RPA3: variants seen among roughly 807,000 people sequenced by gnomAD.
The protein encoded by RPA3 is replication protein A 14 kDa subunit.
A neutral mutation model predicts 13.7 loss-of-function variants in RPA3; 24 were observed. That is an observed-to-expected ratio of 1.75 (90% CI 1.27 to 2.46). RPA3 has a LOEUF of 2.46. Among genes scored for constraint, RPA3 ranks in the 30% most tolerant of loss-of-function variants. RPA3 has a pLI of 0.00. For missense variants in RPA3, 183 were observed against 151.0 expected (o/e 1.21, Z -1.11); for synonymous variants, 59 against 51.2 (o/e 1.15, Z -0.65).
At chr7:7,654,260 T>G (rs1388069317) in intron 4 of RPA3, among the ~76,000 whole-genome samples, 1 of 152,088 alleles carries the variant, frequency 6.6e-6, no homozygotes, top group Non-Finnish European at 1.5e-5. Context: ...TGGAGGAGAG[T>G]AAAATTGTTT....
At chr7:7,700,290 T>G (rs1583751478) in intron 2 of RPA3, among the ~76,000 whole-genome samples, 1 of 152,202 alleles carries the variant, frequency 6.6e-6, no homozygotes, top group African/African-American at 2.4e-5. Flanking sequence ...TCCATTCATG[T>G]GTACTTCACC....
At chr7:7,697,060 C>T (rs575060215) in intron 2 of RPA3, among the ~76,000 whole-genome samples, 37 of 152,236 alleles carry the variant, frequency 2.4e-4, no homozygotes, top group Non-Finnish European at 4.3e-4. Flanking sequence ...TCAGCAGGAA[C>T]GGTCTTGTGG....
chr7:7,684,964 A>G (rs1780007348), intron 4 of RPA3, among the ~76,000 whole-genome samples: 1 of 152,164 alleles, frequency 6.6e-6, no homozygotes. Context: ...AATTTCTCCT[A>G]CTGTTTCCTT....
At chr7:7,688,631 A>G (rs540853374) in intron 2 of RPA3, among the ~76,000 whole-genome samples, 1 of 152,226 alleles carries the variant, frequency 6.6e-6, no homozygotes, top group South Asian at 2.1e-4. Flanking sequence ...TAAATCTTCT[A>G]TCATTTATTT....
intron 4 of RPA3, among the ~76,000 whole-genome samples, chr7:7,677,271 G>C (rs1199700031): frequency 6.6e-6 from 1 of 151,872 alleles, no homozygotes; most frequent in African/African-American, 2.4e-5. Context: ...CACTCTTTTA[G>C]TTATTTAAAA....
intron 1 of RPA3, among the ~76,000 whole-genome samples, chr7:7,716,063 A>G (rs1402233003): frequency 6.6e-6 from 1 of 152,070 alleles, no homozygotes; most frequent in Non-Finnish European, 1.5e-5. Context: ...TACAGTTAAA[A>G]TTTTTTTTGA....
At chr7:7,686,111 A>G (rs1041943470) in intron 3 of RPA3, 113 bp from the exon 4 acceptor site, 2 of 152,294 alleles carry the variant, frequency 1.3e-5, no homozygotes, top group Middle Eastern at 3.4e-3. Context: ...CAGTATTTTT[A>G]TGCATACTGA....
chr7:7,682,603 A>C (rs372964085), intron 4 of RPA3, among the ~76,000 whole-genome samples: 1 of 152,164 alleles, frequency 6.6e-6, no homozygotes, highest in Non-Finnish European at 1.5e-5. Flanking sequence ...ACAGTGACAA[A>C]AACTAAACAG....
intron 2 of RPA3, among the ~76,000 whole-genome samples, chr7:7,714,763 A>T (rs895050709): frequency 2.0e-5 from 3 of 152,072 alleles, no homozygotes; most frequent in African/African-American, 7.2e-5. Flanking sequence ...AACAGGTTGG[A>T]AGCTGGGAGA....
intron 5 of RPA3, among the ~76,000 whole-genome samples, chr7:7,639,346 A>G (rs1046607140): frequency 1.3e-5 from 2 of 152,166 alleles, no homozygotes; most frequent in African/African-American, 4.8e-5. Context: ...TCTGAATTTC[A>G]GATAAACAAG....
intron 2 of RPA3, among the ~76,000 whole-genome samples, chr7:7,710,061 G>C (rs140230095): frequency 1.5e-4 from 23 of 152,184 alleles, no homozygotes; most frequent in African/African-American, 5.5e-4. Context: ...ATGTTCTTCA[G>C]CAATTTGCCT....
chr7:7,657,194 T>C (rs1462757139), intron 4 of RPA3, among the ~76,000 whole-genome samples: 3 of 152,234 alleles, frequency 2.0e-5, no homozygotes, highest in Non-Finnish European at 4.4e-5. Context: ...TTAAATTCTT[T>C]CTAGAGTCTG....
intron 2 of RPA3, among the ~76,000 whole-genome samples, chr7:7,699,186 G>C (rs1780395449): frequency 6.6e-6 from 1 of 152,044 alleles, no homozygotes; most frequent in Admixed American, 6.6e-5. Flanking sequence ...GTGCTGAGTT[G>C]ACTGATTATG....
At chr7:7,696,265 C>T (rs933519299) in intron 2 of RPA3, among the ~76,000 whole-genome samples, 2 of 150,818 alleles carry the variant, frequency 1.3e-5, no homozygotes, top group African/African-American at 4.9e-5. Flanking sequence ...AAGACTCACT[C>T]TTTTAGCCAA....
chr7:7,655,918 C>A (rs933741484), intron 4 of RPA3, among the ~76,000 whole-genome samples: 13 of 152,160 alleles, frequency 8.5e-5, no homozygotes, highest in African/African-American at 3.1e-4. Context: ...TCACTGCAAC[C>A]TCCACCTCCT....
At chr7:7,718,092 CATT>C (rs1182841792) in intron 1 of RPA3, among the ~76,000 whole-genome samples, 1 of 152,110 alleles carries the variant, frequency 6.6e-6, no homozygotes, top group Non-Finnish European at 1.5e-5. Context: ...ATTAACTTCA[CATT>C]GTTGTATAAT....
At position 7,687,334 on chromosome 7, in the gene RPA3, C is replaced by T. The variant is rs961647454; in HGVS notation, c.-1027-6G>A. 1 of 152,220 alleles carries T rather than the reference C, an allele frequency of 6.6e-6. No individual in the cohort carries two copies. The allele number at this position is 152,220 out of a possible 1,614,324, so 9.4% of individuals were successfully genotyped here. A position where few individuals can be genotyped will look rare whatever the true frequency, so the allele number is the denominator to read the frequency against. On this transcript the variant is annotated splice_polypyrimidine_tract_variant and splice_region_variant and intron_variant, in intron 2 of 7. Transcript: ENST00000223129. The stretch of plus-strand genomic sequence containing the variant: ...AAAGGAAACTGTACACAGATCTGCA[C>T]TGACAAAAGGGAGTACAAAGAACTT...
chr7:7,705,174 A>T (rs1051018956), intron 2 of RPA3, among the ~76,000 whole-genome samples: 1 of 152,194 alleles, frequency 6.6e-6, no homozygotes, highest in Admixed American at 6.5e-5. Context: ...CAACTTAGGA[A>T]TCTTGTTGAC....
At chr7:7,696,913 C>G (rs1299850821) in intron 2 of RPA3, among the ~76,000 whole-genome samples, 1 of 151,732 alleles carries the variant, frequency 6.6e-6, no homozygotes, top group Non-Finnish European at 1.5e-5. Context: ...AGACTAGTCA[C>G]AGATTTATTG....
Sources: allele counts gnomAD v4.1 joint callset (sites outside exome capture counted in the v4.1 genomes callset), GRCh38; gene constraint gnomAD v4.1.1; transcripts MANE v1.5; gene names NCBI Gene and HGNC (gene_info 2026-07-23, HGNC 2026-07-21).